MAST1: variants seen among roughly 807,000 people sequenced by gnomAD.
The protein encoded by MAST1 is microtubule associated serine/threonine kinase 1.
In MAST1, 40 loss-of-function variants were observed where a neutral mutation model predicts 124.6. That is an observed-to-expected ratio of 0.32 (90% CI 0.25 to 0.42). MAST1 has a LOEUF of 0.42. Ranked by LOEUF, MAST1 falls within the 10% of genes least tolerant of loss-of-function variation. The pLI is 1.00. For synonymous variants in MAST1, 938 were observed against 939.4 expected (o/e 1.00, Z 0.03); for missense variants, 1,558 against 2,181.9 (o/e 0.71, Z 5.70).
chr19:12,873,832 G>A lies in MAST1; in HGVS notation c.3675G>A (p.Thr1225=). 4 of 1,591,886 alleles carry A rather than the reference G, an allele frequency of 2.5e-6. No homozygotes were observed. The highest frequency in any genetic ancestry group is 3.4e-6 in the Non-Finnish European group (4 of 1,176,170). Residue 1225 remains threonine, a synonymous_variant, in exon 26 of 26, where the codon ACG becomes ACA. Coordinates refer to ENST00000251472, the MANE Select transcript of MAST1 (RefSeq NM_014975.3). ...CACCGCCGCCACTGCCGGGCCACAC[G>A]GTGGGCAGCTCGCACACTACTCAGA... ...QASPPPLPGH[T]VGSSHTTQSF...
At chr19:12,851,639 A>C (rs1379997643) in intron 7 of MAST1, among the ~76,000 whole-genome samples, 2 of 152,136 alleles carry the variant, frequency 1.3e-5, no homozygotes, top group Non-Finnish European at 2.9e-5. Flanking sequence ...GGCACCTGCC[A>C]CCACGCCTGG....
At chr19:12,868,103 A>ATTTATTTTTTTTTTTT (rs1970181680) in intron 20 of MAST1, 126 bp downstream of exon 20, 2 of 322,298 alleles carry the variant, frequency 6.2e-6, no homozygotes, top group Non-Finnish European at 8.7e-6. Context: ...GCAATTTGGG[A>ATTTATTTTTTTTTTTT]TTTTTTTTTT....
intron 22 of MAST1, among the ~76,000 whole-genome samples, chr19:12,869,527 G>A (rs1374016441): frequency 6.6e-6 from 1 of 152,126 alleles, no homozygotes; most frequent in Non-Finnish European, 1.5e-5. Context: ...TCTGCCTCCT[G>A]AGTTCAAGCC....
chr19:12,840,473 C>T lies in MAST1; in HGVS notation c.111C>T (p.Leu37=). The T allele has an allele frequency of 6.2e-7, 1 of 1,614,002 alleles. No individual in the cohort carries two copies. Among genetic ancestry groups the T allele is most frequent in the Non-Finnish European group, 8.5e-7 (1 of 1,179,926 alleles). ...KSCRTSNRKS[L]ILTSTSPTLP... ...GCCGCACCAGTAATCGGAAAAGCCT[C>T]ATCCTGACCAGCACTTCACCCACGC... Residue 37 remains leucine (L), a synonymous_variant, in exon 2 of 26, where the codon CTC becomes CTT. Coordinates refer to ENST00000251472, the MANE Select transcript of MAST1 (RefSeq NM_014975.3).
Position 12,847,752 on chromosome 19 carries a change from C to T in MAST1, c.564+65C>T, listed in dbSNP as rs1969912274. 3 of 1,590,748 alleles carry T rather than the reference C, an allele frequency of 1.9e-6. No homozygotes were observed. The highest frequency in any genetic ancestry group is 2.2e-5 in the East Asian group (1 of 44,500). On this transcript the variant is annotated intron_variant, in intron 6 of 25. Coordinates refer to ENST00000251472, the MANE Select transcript of MAST1 (RefSeq NM_014975.3). This position sits in a 1 kb window ranked among gnomAD's most constrained non-coding sequence, Gnocchi z 5.5. The stretch of plus-strand genomic sequence containing the variant: ...GCCTGCACTCTCGCTCGCCTTATCC[C>T]CGCGCGCCCCCTGGCGGCCTCGGTG...
chr19:12,873,701 G>T lies in MAST1; in HGVS notation c.3544G>T (p.Gly1182Ter). 1 of 1,602,102 alleles carries T rather than the reference G, an allele frequency of 6.2e-7. No homozygotes were observed. The highest frequency in any genetic ancestry group is 8.5e-7 in the Non-Finnish European group (1 of 1,178,930). The change falls in exon 26 of 26, where the codon GGA (glycine) becomes TGA (stop). Residue 1182 changes from glycine (G) to a stop codon, truncating the protein, a stop_gained. Transcript: ENST00000251472. LOFTEE classifies it low-confidence loss of function (END_TRUNC). ...CCACATTCGGCCCAGCACGCTGCAC[G>T]GACTGTCGCCAAAGCTCCATCGCCA... ...SHHIRPSTLH[G>*]LSPKLHRQYR...
At chr19:12,871,905 G>T (rs1970239400) in intron 24 of MAST1, among the ~76,000 whole-genome samples, 1 of 106,742 alleles carries the variant, frequency 9.4e-6, no homozygotes, top group Admixed American at 1.4e-4. Context: ...AACAGAGCTA[G>T]ACTCTTTCAA....
At position 12,841,931 on chromosome 19, in the gene MAST1, C is replaced by G. The variant is rs1156682377; in HGVS notation, c.248+865C>G. Among the ~76,000 whole-genome samples, 3 of 152,102 alleles carry G rather than the reference C, an allele frequency of 2.0e-5. No homozygotes were observed. The highest frequency in any genetic ancestry group is 4.4e-5 in the Non-Finnish European group (3 of 68,024). On this transcript the variant is annotated intron_variant, in intron 3 of 25. Transcript: ENST00000251472. This position sits in a 1 kb window ranked among gnomAD's most constrained non-coding sequence, Gnocchi z 4.3. ...GACAAGGCTCTGGGATAGGGTCTCA[C>G]ATGTTTATCCGCAAGCGGGGAGGAC...
chr19:12,851,907 C>T (rs759195330), intron 7 of MAST1, 27 bp from the exon 8 acceptor site: 2 of 1,581,040 alleles, frequency 1.3e-6, no homozygotes, highest in South Asian at 2.2e-5. Context: ...GCCTATGAGC[C>T]CTGTCCCTCT....
chr19:12,858,361 G>A lies in MAST1; in HGVS notation c.1078-1G>A. On this transcript the variant is annotated splice_acceptor_variant, in intron 10 of 25. Transcript: ENST00000251472. LOFTEE classifies it high-confidence loss of function. Reference sequence around the variant, plus strand: ...GTGTGGTCTCCATCTTTTTCCTGAAGGGCCGCAGCAGCAAGGCCAAGAAAC... The same window carrying A: ...GTGTGGTCTCCATCTTTTTCCTGAAAGGCCGCAGCAGCAAGGCCAAGAAAC... 1 of 1,612,852 alleles carries A rather than the reference G, an allele frequency of 6.2e-7. No individual in the cohort carries two copies. Among genetic ancestry groups the A allele is most frequent in the Non-Finnish European group, 8.5e-7 (1 of 1,179,458 alleles).
At chr19:12,857,172 C>T (rs775939235) in intron 10 of MAST1, among the ~76,000 whole-genome samples, 4 of 152,086 alleles carry the variant, frequency 2.6e-5, no homozygotes, top group Admixed American at 1.3e-4. Flanking sequence ...CAACCTCTGC[C>T]TCCTGGGTTC....
Position 12,841,581 on chromosome 19 carries a change from G to A in MAST1, c.248+515G>A, listed in dbSNP as rs918773932. Among the ~76,000 whole-genome samples, 2 of 152,208 alleles carry A rather than the reference G, an allele frequency of 1.3e-5. No homozygotes were observed. Among genetic ancestry groups the A allele is most frequent in the African/African-American group, 2.4e-5 (1 of 41,456 alleles). On this transcript the variant is annotated intron_variant, in intron 3 of 25. Transcript: ENST00000251472. This position sits in a 1 kb window ranked among gnomAD's most constrained non-coding sequence, Gnocchi z 4.3. ...TGGGCCTTTGGTGAAACTGGGGGAG[G>A]CAGAGAGGTTTCTCTGATGTTTTCT... is the stretch of plus-strand genomic sequence containing the variant.
chr19:12,870,946 G>A lies in MAST1; in HGVS notation c.3126G>A (p.Lys1042=), dbSNP rs1218676106. Residue 1042 remains lysine (K), a splice_region_variant and synonymous_variant, in exon 23 of 26, where the codon AAG becomes AAA. Transcript: ENST00000251472. ...CTGAGGTCGTGGAGCTGATCCTTAA[G>A]GTGAGTGCAGGGAAGGAGGCACCCT... The part of the protein sequence containing the change: ...VHPEVVELIL[K]SGNKVAVTTT... 1.2e-6 allele frequency: 2 copies of A among 1,613,858 alleles called. No individual in the cohort carries two copies. Among genetic ancestry groups the A allele is most frequent in the African/African-American group, 1.3e-5 (1 of 74,910 alleles).
At chr19:12,845,170 T>C (rs936537891) in intron 4 of MAST1, among the ~76,000 whole-genome samples, 1 of 151,958 alleles carries the variant, frequency 6.6e-6, no homozygotes, top group Admixed American at 6.6e-5. Context: ...GGCGTGGTCA[T>C]GGATGCCTGT....
rs1970263708 is a variant in MAST1, at chr19:12,873,403, A to C, written c.3343A>C (p.Asn1115His). ...LHTSRSLSSL[N>H]RSLSSSDSLP... Reference sequence around the variant, plus strand: ...TACTAGCCGCTCGCTGTCGTCGCTGAACCGCTCGCTGTCATCCAGCGATAG... The same window carrying C: ...TACTAGCCGCTCGCTGTCGTCGCTGCACCGCTCGCTGTCATCCAGCGATAG... Residue 1115 changes from asparagine to histidine, a missense_variant, in exon 25 of 26, where the codon AAC (asparagine) becomes CAC (histidine). Asn to His is a moderately conservative substitution (Grantham distance 68). Transcript: ENST00000251472. The C allele has an allele frequency of 1.2e-6, 2 of 1,613,968 alleles. No homozygotes were observed. Among genetic ancestry groups the C allele is most frequent in the Non-Finnish European group, 8.5e-7 (1 of 1,180,002 alleles).
In MAST1 at chr19:12,838,861, G is replaced by A. The variant is rs1969792273; in HGVS notation, c.83+206G>A. Among the ~76,000 whole-genome samples, 1 of 151,570 alleles carries A rather than the reference G, an allele frequency of 6.6e-6. No individual in the cohort carries two copies. The highest frequency in any genetic ancestry group is 1.5e-5 in the Non-Finnish European group (1 of 67,828). On this transcript the variant is annotated intron_variant, in intron 1 of 25. Coordinates refer to ENST00000251472, the MANE Select transcript of MAST1 (RefSeq NM_014975.3). The surrounding 1 kb of genome is among the most constrained non-coding windows in gnomAD (Gnocchi z 4.3). ...GGCTTGCACGCTGGAGAGGACGGCC[G>A]CGGGGGGAGGGGGCTGCGCCACTGG...
intron 10 of MAST1, among the ~76,000 whole-genome samples, chr19:12,857,600 G>C (rs1970031423): frequency 6.6e-6 from 1 of 151,574 alleles, no homozygotes; most frequent in Non-Finnish European, 1.5e-5. Flanking sequence ...TTTCAGTAGA[G>C]ATGGGGTTTC....
intron 1 of MAST1, 131 bp from the exon 2 acceptor site, chr19:12,840,315 C>T (rs1319419201): frequency 3.0e-6 from 2 of 657,036 alleles, no homozygotes; most frequent in African/African-American, 3.6e-5. Flanking sequence ...TCGAGAAACC[C>T]TCCCAGGGAG....
chr19:12,849,282 C>G (rs542681080), intron 7 of MAST1, among the ~76,000 whole-genome samples: 5 of 151,990 alleles, frequency 3.3e-5, no homozygotes, highest in Non-Finnish European at 5.9e-5. Context: ...CAGCTAGCTA[C>G]TTAGGAGGCT....
Sources: gnomAD v4.1 joint callset for allele counts (sites outside exome capture counted in the v4.1 genomes callset) on GRCh38, gnomAD v4.1.1 for gene constraint, Gnocchi (gnomAD v3.1) non-coding constraint, MANE v1.5 for transcripts, NCBI Gene and HGNC (gene_info 2026-07-23, HGNC 2026-07-21) for gene names.